PMPCB: variants seen among roughly 807,000 people sequenced by gnomAD.
PMPCB encodes mitochondrial-processing peptidase subunit beta.
In PMPCB, 46 loss-of-function variants were observed where a neutral mutation model predicts 61.5. The observed-to-expected ratio is 0.75, with a 90% CI of 0.59 to 0.96. The LOEUF is 0.96. PMPCB is among the 40% of genes least tolerant of loss of function. The probability of loss-of-function intolerance (pLI) is 0.00; values close to 1 mark genes in which losing one functional copy is unlikely to be tolerated. For missense variants in PMPCB, 590 were observed against 602.4 expected (o/e 0.98, Z 0.22); for synonymous variants, 191 against 201.6 (o/e 0.95, Z 0.44).
At chr7:103,344,591 C>A in the PMPCB span, 1 of 1,612,710 alleles carries the variant, frequency 6.2e-7, no homozygotes, top group African/African-American at 1.3e-5. Context: ...GGCGGTGCCC[C>A]GGCCGTCCGC....
In PMPCB at chr7:103,299,538, T is replaced by C. The variant is rs767006465; in HGVS notation, c.327+9T>C. ...AGCATATGGCTTTCAAGGCAAGTTG[T>C]AAGACTTTACAAAAATGCACTCTCT... On this transcript the variant is annotated intron_variant, in intron 3 of 12. Transcript: ENST00000249269. 1.3e-6 allele frequency: 2 copies of C among 1,577,956 alleles called. No homozygotes were observed. The highest frequency in any genetic ancestry group is 1.7e-6 in the Non-Finnish European group (2 of 1,150,830).
chr7:103,309,152 A>T, intron 8 of PMPCB, 57 bp downstream of exon 8: 1 of 1,391,754 alleles, frequency 7.2e-7, no homozygotes, highest in South Asian at 1.4e-5. Flanking sequence ...ATGTTTTCTT[A>T]AATATAAGTT....
At chr7:103,323,726 G>C (rs1363971007) in intron 12 of PMPCB, 1 of 1,195,262 alleles carries the variant, frequency 8.4e-7, no homozygotes, top group Middle Eastern at 2.0e-4. Flanking sequence ...TCTTTTTAAT[G>C]CAAGTGAATG....
At position 103,304,428 on chromosome 7, in the gene PMPCB, A is replaced by G; in HGVS notation, c.674A>G (p.Asp225Gly). The G allele has an allele frequency of 6.3e-7, 1 of 1,595,278 alleles. No individual in the cohort carries two copies. Among genetic ancestry groups the G allele is most frequent in the Non-Finnish European group, 8.6e-7 (1 of 1,162,902 alleles). Residue 225 changes from aspartate (D) to glycine (G), a missense_variant, in exon 6 of 13, where the codon GAC (aspartate) becomes GGC (glycine). Asp to Gly is a moderately conservative substitution (Grantham distance 94). Transcript: ENST00000249269. ...ATTTACAGATCTATAAGTCGTAAGG[A>G]CTTAGTGGATTATATAACCACACAT... ...TENIKSISRK[D>G]LVDYITTHYK...
chr7:103,334,300 G>A (rs1819083440), downstream of PMPCB, among the ~76,000 whole-genome samples: 1 of 151,414 alleles, frequency 6.6e-6, no homozygotes, highest in Non-Finnish European at 1.5e-5. Context: ...GGTGGCTCAT[G>A]CCTGTAATCC....
intron 12 of PMPCB, among the ~76,000 whole-genome samples, chr7:103,321,054 T>G (rs1818377438): frequency 6.7e-6 from 1 of 149,628 alleles, no homozygotes; most frequent in South Asian, 2.1e-4. Context: ...AAAAATTAGC[T>G]GGGTGTGGTG....
At chr7:103,309,527 T>C (rs957235477) in intron 8 of PMPCB, among the ~76,000 whole-genome samples, 1 of 152,168 alleles carries the variant, frequency 6.6e-6, no homozygotes, top group African/African-American at 2.4e-5. Context: ...ACTATTTACA[T>C]AGCATTTACA....
chr7:103,324,632 A>G, intron 12 of PMPCB: 1 of 1,244,366 alleles, frequency 8.0e-7, no homozygotes, highest in South Asian at 1.9e-5. Context: ...AAACAATTTA[A>G]TTTATTAAAA....
In PMPCB at chr7:103,298,633, T is replaced by A; in HGVS notation, c.165T>A (p.Val55=). 2 of 1,614,038 alleles carry A rather than the reference T, an allele frequency of 1.2e-6. No homozygotes were observed. Among genetic ancestry groups the A allele is most frequent in the Admixed American group, 1.7e-5 (1 of 60,026 alleles). Residue 55 remains valine (V), a synonymous_variant, in exon 2 of 13, where the codon GTT becomes GTA. Coordinates refer to ENST00000249269, the MANE Select transcript of PMPCB (RefSeq NM_004279.3). ...TQAATQVVLN[V]PETRVTCLES... is the part of the protein sequence containing the mutation. ...CTGCTACCCAAGTTGTTCTGAATGTTCCTGAAACAAGAGTAACATGTTTAG... is the reference window on the plus strand; with the variant it reads ...CTGCTACCCAAGTTGTTCTGAATGTACCTGAAACAAGAGTAACATGTTTAG...
intron 4 of PMPCB, among the ~76,000 whole-genome samples, chr7:103,301,200 C>T (rs1332304331): frequency 1.3e-5 from 2 of 152,204 alleles, no homozygotes; most frequent in East Asian, 3.9e-4. Flanking sequence ...GCATAGCTAT[C>T]AGGTGGCTTA....
At chr7:103,331,396 TATACA>T (rs1452220833), downstream of PMPCB, among the ~76,000 whole-genome samples, 4 of 152,242 alleles carry the variant, frequency 2.6e-5, no homozygotes, top group African/African-American at 7.2e-5. Flanking sequence ...TATTTTGAAA[TATACA>T]ATACATCATT....
chr7:103,311,869 C>A lies in PMPCB; in HGVS notation c.1302C>A (p.Pro434=). ...TGTTATGCTATAATAGAAGGATTCC[C>A]ATCCCTGAGCTTGAAGCAAGAATTG... The part of the protein sequence containing the change: ...RQMLCYNRRI[P]IPELEARIDA... The change falls in exon 11 of 13, where the codon CCC becomes CCA. Residue 434 remains proline, a synonymous_variant. Transcript: ENST00000249269. 1 of 1,611,952 alleles carries A rather than the reference C, an allele frequency of 6.2e-7. No homozygotes were observed. Among genetic ancestry groups the A allele is most frequent in the Non-Finnish European group, 8.5e-7 (1 of 1,178,426 alleles).
intron 1 of PMPCB, 148 bp from the exon 2 acceptor site, chr7:103,298,420 C>A: frequency 1.3e-6 from 1 of 765,434 alleles, no homozygotes; most frequent in Non-Finnish European, 2.1e-6. Context: ...CTAGGCCAGG[C>A]AGAGATCTCA....
In PMPCB at chr7:103,312,561, A is replaced by C. The variant is rs759811461; in HGVS notation, c.*290A>C. On this transcript the variant is annotated 3_prime_UTR_variant, in exon 13 of 13. Coordinates refer to ENST00000249269, the MANE Select transcript of PMPCB (RefSeq NM_004279.3). The stretch of plus-strand genomic sequence containing the variant: ...TTTATTATAAAAATGCACACACAAC[A>C]AAGATTGTCATTTCTTGGCTCTACT... 43 of 1,610,036 alleles carry C rather than the reference A, an allele frequency of 2.7e-5. No individual in the cohort carries two copies. The highest frequency in any genetic ancestry group is 3.5e-5 in the Non-Finnish European group (41 of 1,178,978).
rs1234641654 is a variant in PMPCB, at chr7:103,329,020, C to T, written c.*1521C>T. On this transcript the variant is annotated 3_prime_UTR_variant and NMD_transcript_variant, in exon 13 of 13. Coordinates refer to the PMPCB transcript ENST00000444457. Reference sequence around the variant, plus strand: ...TATTTCATACTCCTACGTGAACATCCTTTTACCACAGCCTCAGCCACAGTA... The same window carrying T: ...TATTTCATACTCCTACGTGAACATCTTTTTACCACAGCCTCAGCCACAGTA... 4 of 1,266,950 alleles carry T rather than the reference C, an allele frequency of 3.2e-6. No homozygotes were observed. The Admixed American group carries it at 7.4e-5, about 24-fold the overall frequency. 78.5% of individuals were successfully genotyped at this position (1,266,950 alleles called of 1,614,324 possible).
rs2115594837 is a variant in PMPCB, at chr7:103,297,532, C to T, written c.73C>T (p.Leu25Phe). 2 of 1,608,950 alleles carry T rather than the reference C, an allele frequency of 1.2e-6. No individual in the cohort carries two copies. The highest frequency in any genetic ancestry group is 2.2e-5 in the South Asian group (2 of 90,634). The change falls in exon 1 of 13, where the codon CTT (leucine) becomes TTT (phenylalanine). Residue 25 changes from leucine (L) to phenylalanine (F), a missense_variant. Coordinates refer to ENST00000249269, the MANE Select transcript of PMPCB (RefSeq NM_004279.3). The stretch of plus-strand genomic sequence containing the variant: ...GCGGCTCTGGGGTTTCAGCGAGAGT[C>T]TTCTAATCCGAGGCGCTGCGGGACG... ...RRRLWGFSESLLIRGAAGRSL... is the reference protein window; with the variant it reads ...RRRLWGFSESFLIRGAAGRSL...
the PMPCB span, among the ~76,000 whole-genome samples, chr7:103,344,069 A>T: frequency 2.0e-5 from 3 of 152,232 alleles, no homozygotes; most frequent in East Asian, 5.8e-4. Context: ...TTTCAGCAGC[A>T]CAGTCTTTGA....
At position 103,298,614 on chromosome 7, in the gene PMPCB, C is replaced by A; in HGVS notation, c.146C>A (p.Thr49Asn). 1 of 1,613,968 alleles carries A rather than the reference C, an allele frequency of 6.2e-7. No individual in the cohort carries two copies. Among genetic ancestry groups the A allele is most frequent in the South Asian group, 1.1e-5 (1 of 91,082 alleles). ...AGATTAAGAAGTACACAGGCTGCTA[C>A]CCAAGTTGTTCTGAATGTTCCTGAA... Reference protein sequence around the residue: ...ENRLRSTQAATQVVLNVPETR... With the variant: ...ENRLRSTQAANQVVLNVPETR... Residue 49 changes from threonine (T) to asparagine (N), a missense_variant, in exon 2 of 13, where the codon ACC (threonine) becomes AAC (asparagine). Physicochemically the swap from Thr to Asn is moderately conservative, Grantham distance 65. Transcript: ENST00000249269.
intron 12 of PMPCB, chr7:103,320,841 T>C: frequency 5.2e-6 from 1 of 191,910 alleles, no homozygotes; most frequent in Non-Finnish European, 1.0e-5. Flanking sequence ...TTTTTTTTTT[T>C]TTTTTTTTTG....
Sources: gnomAD v4.1 joint callset for allele counts (sites outside exome capture counted in the v4.1 genomes callset) on GRCh38, gnomAD v4.1.1 for gene constraint, MANE v1.5 for transcripts, NCBI Gene and HGNC (gene_info 2026-07-23, HGNC 2026-07-21) for gene names.